The following MGAT4C variants were observed in gnomAD, a reference collection of about 807,000 sequenced individuals.
MGAT4C encodes the protein MGAT4 family member C, also known as alpha-1,3-mannosyl-glycoprotein 4-beta-N-acetylglucosaminyltransferase C.
MGAT4C carries 19 observed loss-of-function variants against 40.1 expected under a neutral mutation model. That is an observed-to-expected ratio of 0.47 (90% confidence interval 0.33 to 0.70). MGAT4C has a LOEUF of 0.70. MGAT4C is among the 30% of genes least tolerant of loss of function. The pLI is 0.02. For synonymous variants in MGAT4C, 181 were observed against 187.1 expected (o/e 0.97, Z 0.27); for missense variants, 491 against 563.2 (o/e 0.87, Z 1.30).
At chr12:86,714,774 AAAGGAAGGAAGGAAGGAAGGAAGGAAGG>A (rs71445060) in intron 2 of MGAT4C, among the ~76,000 whole-genome samples, 1 of 141,398 alleles carries the variant, frequency 7.1e-6, no homozygotes, top group Admixed American at 7.3e-5. Flanking sequence ...TGGAAGGGAA[AAAGGAAGGAAGGAAGGAAGGAAGGAAGG>A]AAGGAAGGAA....
intron 2 of MGAT4C, among the ~76,000 whole-genome samples, chr12:86,674,414 T>A (rs145611978): frequency 2.7e-3 from 417 of 152,254 alleles, no homozygotes; most frequent in Middle Eastern, 0.02. Context: ...CAATACAGAC[T>A]TTTTCAGGGA....
chr12:86,119,131 A>C (rs1036616792), intron 1 of MGAT4C, among the ~76,000 whole-genome samples: 1 of 152,106 alleles, frequency 6.6e-6, no homozygotes, highest in African/African-American at 2.4e-5. Context: ...TTGAGATAAA[A>C]CAAGATTTAA....
At chr12:86,392,677 A>C (rs1172584637) in intron 3 of MGAT4C, among the ~76,000 whole-genome samples, 1 of 152,216 alleles carries the variant, frequency 6.6e-6, no homozygotes, top group Non-Finnish European at 1.5e-5. Flanking sequence ...AAATCTGCAA[A>C]ACGGTGTTGG....
intron 1 of MGAT4C, among the ~76,000 whole-genome samples, chr12:86,789,986 C>T (rs1951996209): frequency 6.6e-6 from 1 of 152,038 alleles, no homozygotes; most frequent in African/African-American, 2.4e-5. Flanking sequence ...TACAAACTAA[C>T]CATTATAATG....
chr12:86,603,425 T>A (rs1317540083), intron 2 of MGAT4C, among the ~76,000 whole-genome samples: 1 of 125,208 alleles, frequency 8.0e-6, no homozygotes, highest in Non-Finnish European at 1.6e-5. Flanking sequence ...ATATAGTATA[T>A]AGTATATATA....
intron 3 of MGAT4C, among the ~76,000 whole-genome samples, chr12:86,416,707 G>A (rs2136250800): frequency 6.6e-6 from 1 of 152,202 alleles, no homozygotes; most frequent in South Asian, 2.1e-4. Flanking sequence ...CCAGGAAGAA[G>A]TTGTGAAAAA....
chr12:86,395,021 C>G (rs556576010), intron 3 of MGAT4C, among the ~76,000 whole-genome samples: 1 of 151,870 alleles, frequency 6.6e-6, no homozygotes, highest in African/African-American at 2.4e-5. Flanking sequence ...TTCATATCTT[C>G]TTGTTAAGAA....
intron 1 of MGAT4C, among the ~76,000 whole-genome samples, chr12:86,146,381 C>G (rs1419477972): frequency 2.0e-5 from 3 of 152,136 alleles, no homozygotes; most frequent in East Asian, 1.9e-4. Context: ...ATACACATAC[C>G]ATTCTCTGAG....
chr12:86,349,293 C>T (rs905763927), intron 3 of MGAT4C, among the ~76,000 whole-genome samples: 1 of 152,108 alleles, frequency 6.6e-6, no homozygotes, highest in Admixed American at 6.6e-5. Flanking sequence ...CAGGGCAGAT[C>T]ATTTTAATCC....
chr12:86,450,122 G>A (rs1957400750), intron 2 of MGAT4C, among the ~76,000 whole-genome samples: 1 of 152,056 alleles, frequency 6.6e-6, no homozygotes, highest in Admixed American at 6.6e-5. Flanking sequence ...AGCGTTAGTA[G>A]AAATTGCCAA....
intron 2 of MGAT4C, among the ~76,000 whole-genome samples, chr12:86,718,851 C>A (rs1283126423): frequency 6.6e-6 from 1 of 152,004 alleles, no homozygotes; most frequent in East Asian, 1.9e-4. Context: ...CCAAACCATC[C>A]CACCCCCTCC....
intron 1 of MGAT4C, among the ~76,000 whole-genome samples, chr12:86,826,768 G>A (rs1444173058): frequency 1.3e-5 from 2 of 151,312 alleles, no homozygotes; most frequent in Admixed American, 6.6e-5. Context: ...AGGAATTAGC[G>A]ATCTAGTTAA....
At chr12:86,834,169 T>C (rs1487977435) in intron 1 of MGAT4C, among the ~76,000 whole-genome samples, 1 of 126,746 alleles carries the variant, frequency 7.9e-6, no homozygotes, top group Non-Finnish European at 1.7e-5. Flanking sequence ...TAGATAGAGA[T>C]AGATAGATAT....
rs141110670 is a variant in MGAT4C at position 86,836,538 on chromosome 12, C to G, written c.-262+2128G>C. ...GTAATGAACTCACCATAAGATGAGGCAAAGTAAGTTTTAGTACTAAACCTG... is the reference window on the plus strand; with the variant it reads ...GTAATGAACTCACCATAAGATGAGGGAAAGTAAGTTTTAGTACTAAACCTG... On this transcript the variant is annotated intron_variant, in intron 1 of 7. Transcript: ENST00000548651. Among the ~76,000 whole-genome samples, 979 of 152,006 alleles carry G rather than the reference C, an allele frequency of 6.4e-3. 8 individuals are homozygous for G. Among genetic ancestry groups the G allele is most frequent in the Non-Finnish European group, 0.011 (775 of 67,954 alleles).
chr12:86,110,005 A>C lies in MGAT4C; in HGVS notation c.-56-60282T>G, dbSNP rs1297569002. ...GATGAAGAAGTATGGAAAGTGTTCC[A>C]AGTAGAAGAAAAGTCATGGGCAAAG... On this transcript the variant is annotated intron_variant, in intron 1 of 4. Coordinates refer to ENST00000611864, the MANE Select transcript of MGAT4C (RefSeq NM_001351288.2). Among the ~76,000 whole-genome samples the C allele has an allele frequency of 2.6e-5, 4 of 151,484 alleles. No homozygotes were observed. The East Asian group carries it at 7.9e-4, about 30-fold the overall frequency.
rs569312284 is a variant in MGAT4C, at chr12:86,813,212, T to C, written c.-262+25454A>G. 1.6e-4 allele frequency among the ~76,000 whole-genome samples: 25 copies of C among 152,114 alleles called. 1 individual carries two copies. The South Asian group carries it at 5.2e-3, about 32-fold the overall frequency. On this transcript the variant is annotated intron_variant, in intron 1 of 7. Coordinates refer to the MGAT4C transcript ENST00000548651. The stretch of plus-strand genomic sequence containing the variant: ...ATCATATCCAGACTGAAAAAGATGC[T>C]GTTTTTGGACATCTTGAAAATAGTA...
At chr12:86,539,840 T>C (rs1959142397) in intron 2 of MGAT4C, among the ~76,000 whole-genome samples, 1 of 152,266 alleles carries the variant, frequency 6.6e-6, no homozygotes, top group African/African-American at 2.4e-5. Context: ...TGTCTGTTCA[T>C]ATCCTTTGCC....
At chr12:86,225,740 A>G (rs556324786) in intron 1 of MGAT4C, among the ~76,000 whole-genome samples, 1 of 152,104 alleles carries the variant, frequency 6.6e-6, no homozygotes, top group African/African-American at 2.4e-5. Flanking sequence ...ATAAAATTTA[A>G]TATCTTTTTA....
At chr12:86,830,573 A>G (rs1478588338) in intron 1 of MGAT4C, among the ~76,000 whole-genome samples, 3 of 151,804 alleles carry the variant, frequency 2.0e-5, no homozygotes, top group Admixed American at 1.3e-4. Flanking sequence ...CTATCTCCCA[A>G]GCAACTGCCA....
Sources: allele counts gnomAD v4.1 joint callset (sites outside exome capture counted in the v4.1 genomes callset), GRCh38; gene constraint gnomAD v4.1.1; transcripts MANE v1.5; gene names NCBI Gene and HGNC (gene_info 2026-07-23, HGNC 2026-07-21).